MACROD2: variants seen among roughly 807,000 people sequenced by gnomAD.
MACROD2 encodes ADP-ribose glycohydrolase MACROD2.
MACROD2 carries 36 observed loss-of-function variants against 70.4 expected under a neutral mutation model. That is an observed-to-expected ratio of 0.51 (90% CI 0.39 to 0.68). The LOEUF is 0.68. Ranked by LOEUF, MACROD2 falls within the 30% of genes least tolerant of loss-of-function variation. The probability of loss-of-function intolerance (pLI) is 0.00; values close to 1 mark genes in which losing one functional copy is unlikely to be tolerated. For missense variants in MACROD2, 496 were observed against 538.4 expected (o/e 0.92, Z 0.78); for synonymous variants, 172 against 178.8 (o/e 0.96, Z 0.30).
At chr20:15,112,838 T>C (rs1266480436) in intron 5 of MACROD2, among the ~76,000 whole-genome samples, 1 of 152,170 alleles carries the variant, frequency 6.6e-6, no homozygotes, top group African/African-American at 2.4e-5. Flanking sequence ...CTGCTTTCTG[T>C]CTCTATGAAT....
chr20:15,685,550 A>G (rs938153035), intron 8 of MACROD2, among the ~76,000 whole-genome samples: 1 of 152,202 alleles, frequency 6.6e-6, no homozygotes, highest in Admixed American at 6.5e-5. Context: ...ATGATTCCCA[A>G]GAACCTAGAT....
chr20:15,468,589 G>A (rs1455681632), intron 7 of MACROD2, among the ~76,000 whole-genome samples: 6 of 152,208 alleles, frequency 3.9e-5, no homozygotes, highest in Admixed American at 3.3e-4. Flanking sequence ...GGGCTTAAAA[G>A]GTTTGTCTGG....
intron 3 of MACROD2, among the ~76,000 whole-genome samples, chr20:14,250,747 G>A (rs1424721416): frequency 1.3e-5 from 2 of 152,002 alleles, no homozygotes; most frequent in African/African-American, 2.4e-5. Context: ...CTAATAAAGT[G>A]ATAATAATAA....
chr20:14,209,532 A>G (rs2081554013), intron 3 of MACROD2, among the ~76,000 whole-genome samples: 1 of 152,226 alleles, frequency 6.6e-6, no homozygotes, highest in African/African-American at 2.4e-5. Context: ...ACTAGCCATG[A>G]AAAGAATAGA....
intron 3 of MACROD2, among the ~76,000 whole-genome samples, chr20:14,183,221 C>T (rs2081318742): frequency 6.6e-6 from 1 of 151,442 alleles, no homozygotes; most frequent in Non-Finnish European, 1.5e-5. Context: ...TGTTGTTCCC[C>T]TCTATGGGTC....
rs182702891 is a variant in MACROD2, at chr20:14,167,183, T to C, written c.271+81455T>C. 1.1e-4 allele frequency among the ~76,000 whole-genome samples: 17 copies of C among 152,306 alleles called. No individual in the cohort carries two copies. In the South Asian group the frequency reaches 3.5e-3, roughly 32 times the overall value. On this transcript the variant is annotated intron_variant, in intron 3 of 17. Coordinates refer to ENST00000684519, the MANE Select transcript of MACROD2 (RefSeq NM_001351661.2). ...AGGTTTTTGTTGTTTTGGACTCTTC[T>C]CAGAATTCCTGTAGCACTTATATAA...
At chr20:15,672,554 T>G (rs1352422060) in intron 8 of MACROD2, among the ~76,000 whole-genome samples, 1 of 152,142 alleles carries the variant, frequency 6.6e-6, no homozygotes, top group Non-Finnish European at 1.5e-5. Flanking sequence ...TCACTCCAGG[T>G]TCTTCAGATG....
intron 12 of MACROD2, among the ~76,000 whole-genome samples, chr20:15,962,854 A>C (rs2066082723): frequency 6.6e-6 from 1 of 152,216 alleles, no homozygotes; most frequent in East Asian, 1.9e-4. Context: ...TTTCAGGTAA[A>C]TATAGTTCAG....
At chr20:14,310,592 T>TA (rs2082558463) in intron 3 of MACROD2, among the ~76,000 whole-genome samples, 1 of 152,200 alleles carries the variant, frequency 6.6e-6, no homozygotes. Flanking sequence ...ATGACTATCT[T>TA]ACTAGTTTAT....
At chr20:14,667,362 A>T (rs1241671485) in intron 4 of MACROD2, among the ~76,000 whole-genome samples, 1 of 152,148 alleles carries the variant, frequency 6.6e-6, no homozygotes, top group Non-Finnish European at 1.5e-5. Context: ...CTTGAAAGGA[A>T]CTGAAGTATT....
chr20:15,158,065 T>C (rs2145870855), intron 5 of MACROD2, among the ~76,000 whole-genome samples: 1 of 152,274 alleles, frequency 6.6e-6, no homozygotes, highest in East Asian at 1.9e-4. Context: ...TAATGTGTAG[T>C]TCCCATTATG....
At chr20:15,602,736 G>A (rs1379978585) in intron 8 of MACROD2, among the ~76,000 whole-genome samples, 3 of 152,206 alleles carry the variant, frequency 2.0e-5, no homozygotes, top group African/African-American at 7.2e-5. Flanking sequence ...GAATAAAAAT[G>A]CCTGTGTAAT....
intron 3 of MACROD2, among the ~76,000 whole-genome samples, chr20:14,400,333 C>T (rs941516455): frequency 1.3e-5 from 2 of 152,142 alleles, no homozygotes; most frequent in East Asian, 1.9e-4. Context: ...AGTACTCTCC[C>T]TGATGACCCG....
intron 6 of MACROD2, among the ~76,000 whole-genome samples, chr20:15,313,597 G>A (rs78038645): frequency 0.049 from 7,372 of 151,868 alleles, 255 homozygotes; most frequent in Non-Finnish European, 0.072. Context: ...CTGTTTTGTG[G>A]AATCCCTCCT....
intron 3 of MACROD2, among the ~76,000 whole-genome samples, chr20:14,398,326 CT>C (rs781590667): frequency 1.3e-5 from 2 of 150,240 alleles, no homozygotes; most frequent in Non-Finnish European, 3.0e-5. Context: ...GATGTCCATA[CT>C]GTTTTCTATA....
chr20:15,012,447 T>A (rs575272538), intron 5 of MACROD2, among the ~76,000 whole-genome samples: 1 of 152,190 alleles, frequency 6.6e-6, no homozygotes, highest in African/African-American at 2.4e-5. Context: ...ACCTCTGACA[T>A]AATGTGGGGG....
chr20:16,030,343 A>C (rs898659183), intron 15 of MACROD2, among the ~76,000 whole-genome samples: 3 of 152,178 alleles, frequency 2.0e-5, no homozygotes, highest in Admixed American at 2.0e-4. Flanking sequence ...CTCCAAATGA[A>C]AGGCTTCTAG....
chr20:15,134,733 G>A (rs1479213758), intron 5 of MACROD2, among the ~76,000 whole-genome samples: 3 of 152,036 alleles, frequency 2.0e-5, no homozygotes, highest in Non-Finnish European at 4.4e-5. Context: ...AGAACTGAAG[G>A]AAATAGAGAC....
chr20:15,419,915 ATTTGCCGTTAATATGAGCAGGGAT>A (rs2046205105), intron 6 of MACROD2, among the ~76,000 whole-genome samples: 1 of 152,118 alleles, frequency 6.6e-6, no homozygotes, highest in African/African-American at 2.4e-5. Context: ...TGCCCAACTG[ATTTGCCGTTAATATGAGCAGGGAT>A]TTTGTTTTGC....
Sources: gnomAD v4.1 joint callset for allele counts (sites outside exome capture counted in the v4.1 genomes callset) on GRCh38, gnomAD v4.1.1 for gene constraint, MANE v1.5 for transcripts, NCBI Gene and HGNC (gene_info 2026-07-23, HGNC 2026-07-21) for gene names.